The following DYNC1I1 variants were observed in gnomAD, a reference collection of about 807,000 sequenced individuals.
DYNC1I1 encodes the protein cytoplasmic dynein 1 intermediate chain 1.
DYNC1I1 carries 43 observed loss-of-function variants against 86.6 expected under a neutral mutation model. That is an observed-to-expected ratio of 0.50 (90% CI 0.39 to 0.64). The LOEUF is 0.64. Ranked by LOEUF, DYNC1I1 falls within the 30% of genes least tolerant of loss-of-function variation. DYNC1I1 has a pLI of 0.00. For missense variants in DYNC1I1, 604 were observed against 788.8 expected (o/e 0.77, Z 2.81); for synonymous variants, 262 against 283.7 (o/e 0.92, Z 0.77).
At chr7:96,087,816 A>G (rs1165369300) in intron 16 of DYNC1I1, among the ~76,000 whole-genome samples, 1 of 152,200 alleles carries the variant, frequency 6.6e-6, no homozygotes, top group Non-Finnish European at 1.5e-5. Context: ...GGGCACCAAG[A>G]TATATTTGCA....
At chr7:95,943,482 C>G (rs1320033581) in intron 6 of DYNC1I1, among the ~76,000 whole-genome samples, 1 of 143,480 alleles carries the variant, frequency 7.0e-6, no homozygotes, top group African/African-American at 2.5e-5. Context: ...CCATCCCCAT[C>G]AAGCTACCAA....
At chr7:96,015,202 A>G (rs929050312) in intron 10 of DYNC1I1, among the ~76,000 whole-genome samples, 26 of 152,262 alleles carry the variant, frequency 1.7e-4, no homozygotes, top group Non-Finnish European at 2.4e-4. Context: ...ATATGAAGCA[A>G]AATGTTGCTT....
At chr7:96,031,842 C>T (rs1794814096) in intron 11 of DYNC1I1, among the ~76,000 whole-genome samples, 1 of 152,140 alleles carries the variant, frequency 6.6e-6, no homozygotes, top group Admixed American at 6.6e-5. Flanking sequence ...AGGTTCTGCT[C>T]ATAGTAACCT....
At position 95,810,567 on chromosome 7, in the gene DYNC1I1, T is replaced by C. The variant is rs1416399485; in HGVS notation, c.223+61T>C. 1.1e-5 allele frequency: 15 copies of C among 1,364,772 alleles called. No homozygotes were observed. In the African/African-American group the frequency reaches 1.2e-4, roughly 11 times the overall value. The allele number at this position is 1,364,772 out of a possible 1,614,324, so 84.5% of individuals were successfully genotyped here. A position where few individuals can be genotyped will look rare whatever the true frequency, so the allele number is the denominator to read the frequency against. Reference sequence around the variant, plus strand: ...ATCAACTTGCGTGGGATATACCATGTCCAGTGTTTACTATTCTTTTAAGTC... The same window carrying C: ...ATCAACTTGCGTGGGATATACCATGCCCAGTGTTTACTATTCTTTTAAGTC... On this transcript the variant is annotated intron_variant, in intron 3 of 16. Transcript: ENST00000447467.
chr7:95,895,408 A>G (rs1381548706), intron 6 of DYNC1I1, among the ~76,000 whole-genome samples: 1 of 152,108 alleles, frequency 6.6e-6, no homozygotes, highest in Non-Finnish European at 1.5e-5. Flanking sequence ...TTCTTCGGCA[A>G]TTTCTCATGT....
At chr7:95,819,300 T>C (rs1795021059) in intron 4 of DYNC1I1, among the ~76,000 whole-genome samples, 1 of 152,192 alleles carries the variant, frequency 6.6e-6, no homozygotes, top group Non-Finnish European at 1.5e-5. Context: ...ATACTTGTTT[T>C]TGGGCTACAA....
intron 6 of DYNC1I1, among the ~76,000 whole-genome samples, chr7:95,883,111 A>G (rs1010593653): frequency 2.0e-5 from 3 of 152,180 alleles, no homozygotes; most frequent in African/African-American, 7.2e-5. Context: ...GTGCCTTTTT[A>G]TTAATAGCAC....
rs1584245052 is a variant in DYNC1I1 at position 96,006,326 on chromosome 7, A to G, written c.969+10253A>G. Among the ~76,000 whole-genome samples, 5 of 152,320 alleles carry G rather than the reference A, an allele frequency of 3.3e-5. No homozygotes were observed. The South Asian group carries it at 1.0e-3, about 32-fold the overall frequency. ...CAGGCATAAATGACACCATGCCAAA[A>G]GACTTCACTTTTGGAGCAGGTGCTC... On this transcript the variant is annotated intron_variant, in intron 10 of 16. Coordinates refer to ENST00000447467, the MANE Select transcript of DYNC1I1 (RefSeq NM_001135556.2).
At chr7:96,088,460 T>C (rs1423506367) in intron 16 of DYNC1I1, among the ~76,000 whole-genome samples, 2 of 152,186 alleles carry the variant, frequency 1.3e-5, no homozygotes, top group African/African-American at 4.8e-5. Flanking sequence ...TCATCTTCAA[T>C]GGCAGTTTGG....
intron 1 of DYNC1I1, among the ~76,000 whole-genome samples, chr7:95,797,749 C>G (rs1189527356): frequency 6.6e-6 from 1 of 152,170 alleles, no homozygotes; most frequent in East Asian, 1.9e-4. Context: ...CCACAATTAC[C>G]TGAAGAGGCT....
chr7:96,020,457 C>T (rs374108077), intron 10 of DYNC1I1, among the ~76,000 whole-genome samples: 68 of 152,252 alleles, frequency 4.5e-4, no homozygotes, highest in African/African-American at 1.3e-3. Context: ...CACCCGCCAG[C>T]GCAAGAACAC....
chr7:95,964,548 C>T (rs147463583), intron 6 of DYNC1I1, among the ~76,000 whole-genome samples: 146 of 152,278 alleles, frequency 9.6e-4, no homozygotes, highest in African/African-American at 3.4e-3. Flanking sequence ...AGGCATATGG[C>T]AAAGAAGAGA....
chr7:96,099,825 G>C, downstream of DYNC1I1, among the ~76,000 whole-genome samples: 1 of 152,114 alleles, frequency 6.6e-6, no homozygotes, highest in African/African-American at 2.4e-5. Context: ...CCAGGGCAAG[G>C]TTATAAGAAG....
intron 12 of DYNC1I1, among the ~76,000 whole-genome samples, chr7:96,034,009 C>T (rs1212794618): frequency 6.6e-6 from 1 of 151,694 alleles, no homozygotes; most frequent in East Asian, 1.9e-4. Context: ...GACTTTGTCT[C>T]TTGAAAAAAA....
chr7:95,787,772 TG>T (rs769095167), intron 1 of DYNC1I1, among the ~76,000 whole-genome samples: 1 of 152,114 alleles, frequency 6.6e-6, no homozygotes, highest in Non-Finnish European at 1.5e-5. Context: ...ATATATATAA[TG>T]AAGAAAAACT....
intron 7 of DYNC1I1, among the ~76,000 whole-genome samples, chr7:95,978,402 G>A (rs1793364107): frequency 6.6e-6 from 1 of 152,188 alleles, no homozygotes; most frequent in Non-Finnish European, 1.5e-5. Context: ...ATGAAATACT[G>A]CAGGTGACAT....
chr7:95,979,041 G>A (rs749672432), intron 7 of DYNC1I1, among the ~76,000 whole-genome samples: 2 of 152,120 alleles, frequency 1.3e-5, no homozygotes, highest in South Asian at 2.1e-4. Flanking sequence ...TGATCCACCC[G>A]CCTTAGCCTC....
intron 6 of DYNC1I1, among the ~76,000 whole-genome samples, chr7:95,956,077 A>G (rs928577048): frequency 3.9e-5 from 6 of 152,176 alleles, no homozygotes; most frequent in East Asian, 3.9e-4. Context: ...CTGTATCTCC[A>G]TACAAAGAAG....
chr7:96,005,007 T>C (rs1794107156), intron 10 of DYNC1I1, among the ~76,000 whole-genome samples: 1 of 152,160 alleles, frequency 6.6e-6, no homozygotes, highest in Admixed American at 6.5e-5. Flanking sequence ...AATTATCTAA[T>C]TGAAATAATA....
Sources: gnomAD v4.1 joint callset for allele counts (sites outside exome capture counted in the v4.1 genomes callset) on GRCh38, gnomAD v4.1.1 for gene constraint, MANE v1.5 for transcripts, NCBI Gene and HGNC (gene_info 2026-07-23, HGNC 2026-07-21) for gene names.